The following AK5 variants were observed in gnomAD, a reference collection of about 807,000 sequenced individuals.
AK5 encodes the protein adenylate kinase isoenzyme 5.
AK5 carries 27 observed loss-of-function variants against 69.5 expected under a neutral mutation model. That is an observed-to-expected ratio of 0.39 (90% CI 0.29 to 0.54). The LOEUF (loss-of-function observed/expected upper bound fraction) is 0.54, where lower values mean the gene tolerates loss of function less well. Ranked by LOEUF, AK5 falls within the 20% of genes least tolerant of loss-of-function variation. The probability of loss-of-function intolerance (pLI) is 0.71; values close to 1 mark genes in which losing one functional copy is unlikely to be tolerated. For missense variants in AK5, 531 were observed against 700.4 expected (o/e 0.76, Z 2.73); for synonymous variants, 260 against 244.4 (o/e 1.06, Z -0.60).
intron 5 of AK5, chr1:77,314,222 A>G: frequency 3.7e-6 from 1 of 266,914 alleles, no homozygotes; most frequent in Non-Finnish European, 7.3e-6. Flanking sequence ...TCCAAGTCAC[A>G]TGTATCAAGA....
At chr1:77,512,490 A>T (rs937945770) in intron 10 of AK5, among the ~76,000 whole-genome samples, 4 of 152,200 alleles carry the variant, frequency 2.6e-5, no homozygotes, top group Non-Finnish European at 5.9e-5. Flanking sequence ...AGATGGGAAT[A>T]GGAACATTTT....
At chr1:77,351,442 T>C (rs993744772) in intron 6 of AK5, among the ~76,000 whole-genome samples, 6 of 152,172 alleles carry the variant, frequency 3.9e-5, no homozygotes, top group Admixed American at 3.9e-4. Context: ...AATTAACAGG[T>C]TTATTTGATG....
chr1:77,470,215 G>A (rs912728628), intron 8 of AK5, among the ~76,000 whole-genome samples: 1 of 152,128 alleles, frequency 6.6e-6, no homozygotes, highest in Non-Finnish European at 1.5e-5. Context: ...AATAAATAAT[G>A]CATCCCTGGC....
intron 8 of AK5, among the ~76,000 whole-genome samples, chr1:77,476,978 T>G (rs1481192792): frequency 1.3e-5 from 2 of 150,300 alleles, no homozygotes; most frequent in African/African-American, 4.9e-5. Context: ...GGAAATAGCC[T>G]GATCTATTTT....
intron 8 of AK5, among the ~76,000 whole-genome samples, chr1:77,477,658 C>CT (rs199579005): frequency 0.011 from 1,670 of 150,508 alleles, 36 homozygotes; most frequent in East Asian, 0.077. Context: ...TTTCTTTTTT[C>CT]TTTTTTTTTG....
In AK5 at chr1:77,374,071, G is replaced by A. The variant is rs1000671723; in HGVS notation, c.891+33503G>A. 4.6e-5 allele frequency among the ~76,000 whole-genome samples: 7 copies of A among 152,042 alleles called. No individual in the cohort carries two copies. The East Asian group carries it at 5.8e-4, about 13-fold the overall frequency. On this transcript the variant is annotated intron_variant, in intron 6 of 13. Transcript: ENST00000354567. ...ATTTAGAACACTGTCATTTCCCAAC[G>A]GAATTAATTCTAGCTCATAGTCCGT...
At chr1:77,525,201 G>A (rs1289712093) in intron 12 of AK5, among the ~76,000 whole-genome samples, 1 of 152,210 alleles carries the variant, frequency 6.6e-6, no homozygotes, top group East Asian at 1.9e-4. Context: ...GAGCTACCAT[G>A]CCCAGCCTTG....
intron 8 of AK5, among the ~76,000 whole-genome samples, chr1:77,431,186 G>T (rs1261961413): frequency 6.6e-6 from 1 of 152,228 alleles, no homozygotes; most frequent in African/African-American, 2.4e-5. Context: ...AGCCTGAACT[G>T]TTGTGAAATC....
chr1:77,363,385 G>A (rs554415188), intron 6 of AK5, among the ~76,000 whole-genome samples: 3 of 152,144 alleles, frequency 2.0e-5, no homozygotes, highest in Non-Finnish European at 2.9e-5. Flanking sequence ...GATTCTTGCC[G>A]TGGCCTCTTA....
At chr1:77,549,532 A>G (rs1659713487) in intron 13 of AK5, among the ~76,000 whole-genome samples, 1 of 152,120 alleles carries the variant, frequency 6.6e-6, no homozygotes, top group South Asian at 2.1e-4. Context: ...TGTGCTATCA[A>G]ATACTAGATC....
At chr1:77,375,833 G>A (rs1557541891) in intron 6 of AK5, among the ~76,000 whole-genome samples, 2 of 152,070 alleles carry the variant, frequency 1.3e-5, no homozygotes, top group South Asian at 2.1e-4. Flanking sequence ...GGAAGCCTGC[G>A]ACTGACTCTT....
At position 77,297,881 on chromosome 1, in the gene AK5, T is replaced by A; in HGVS notation, c.633T>A (p.Asp211Glu). 1.2e-6 allele frequency: 2 copies of A among 1,613,620 alleles called. No individual in the cohort carries two copies. Among genetic ancestry groups the A allele is most frequent in the Non-Finnish European group, 1.7e-6 (2 of 1,179,838 alleles). ...EIKQKLMQIPDEEGIVIDGFP... is the reference protein window; with the variant it reads ...EIKQKLMQIPEEEGIVIDGFP... ...AACAAAAATTGATGCAAATACCTGATGAAGAGGGCATTGTTATTGATGGAT... is the reference window on the plus strand; with the variant it reads ...AACAAAAATTGATGCAAATACCTGAAGAAGAGGGCATTGTTATTGATGGAT... Residue 211 changes from aspartate to glutamate, a missense_variant, in exon 5 of 14, where the codon GAT becomes GAA. By Grantham distance (45) the Asp-to-Glu change is conservative. Transcript: ENST00000354567.
At chr1:77,284,668 G>C (rs1658250030) in intron 1 of AK5, among the ~76,000 whole-genome samples, 1 of 152,322 alleles carries the variant, frequency 6.6e-6, no homozygotes, top group African/African-American at 2.4e-5. Context: ...GCTTACAGCA[G>C]AGATTTGGCA....
intron 8 of AK5, among the ~76,000 whole-genome samples, chr1:77,463,562 T>C (rs909113191): frequency 2.8e-5 from 2 of 71,360 alleles, no homozygotes; most frequent in Non-Finnish European, 5.4e-5. Context: ...CAAAAACCTG[T>C]TTAGCTTTAA....
chr1:77,406,022 G>A (rs78479737), intron 6 of AK5, among the ~76,000 whole-genome samples: 14,237 of 152,154 alleles, frequency 0.094, 915 homozygotes, highest in African/African-American at 0.17. Context: ...TAAAATGACA[G>A]TGCTGCTGCC....
At chr1:77,367,220 GT>G (rs947358067) in intron 6 of AK5, among the ~76,000 whole-genome samples, 3 of 150,406 alleles carry the variant, frequency 2.0e-5, no homozygotes, top group Admixed American at 6.7e-5. Context: ...CAGATTTGGG[GT>G]TTTTTTTGGG....
chr1:77,475,195 A>ATATATATATATATATGTG (rs1182380859), intron 8 of AK5, among the ~76,000 whole-genome samples: 4 of 29,160 alleles, frequency 1.4e-4, no homozygotes, highest in South Asian at 1.4e-3. Flanking sequence ...ATATATATAT[A>ATATATATATATATATGTG]TGTGTGTGTG....
chr1:77,494,592 T>G (rs565844877), intron 10 of AK5, among the ~76,000 whole-genome samples: 1 of 152,298 alleles, frequency 6.6e-6, no homozygotes, highest in South Asian at 2.1e-4. Context: ...CATTGTTAAC[T>G]GTTCTCTTAA....
At chr1:77,475,970 A>T (rs994985940) in intron 8 of AK5, among the ~76,000 whole-genome samples, 8 of 152,192 alleles carry the variant, frequency 5.3e-5, no homozygotes, top group Admixed American at 2.6e-4. Context: ...CAGTGAGAAA[A>T]TTTTTTTCTT....
Sources: gnomAD v4.1 joint callset for allele counts (sites outside exome capture counted in the v4.1 genomes callset) on GRCh38, gnomAD v4.1.1 for gene constraint, MANE v1.5 for transcripts, NCBI Gene and HGNC (gene_info 2026-07-23, HGNC 2026-07-21) for gene names.